Variants in FBXO11 observed in about 807,000 individuals in gnomAD.
The protein encoded by FBXO11 is F-box only protein 11.
FBXO11 carries 13 observed loss-of-function variants against 117.0 expected under a neutral mutation model. The observed-to-expected ratio is 0.11, with a 90% CI of 0.07 to 0.18. The LOEUF (loss-of-function observed/expected upper bound fraction) is 0.18. FBXO11 is among the 10% of genes least tolerant of loss of function. FBXO11 has a pLI of 1.00. For synonymous variants in FBXO11, 490 were observed against 380.5 expected (o/e 1.29, Z -3.35); for missense variants, 767 against 1,164.4 (o/e 0.66, Z 4.97).
At chr2:47,823,421 T>C in intron 11 of FBXO11, 61 bp from the exon 12 acceptor site, 2 of 1,264,532 alleles carry the variant, frequency 1.6e-6, no homozygotes, top group Non-Finnish European at 2.2e-6. Flanking sequence ...AGAAATGCCA[T>C]TTAAAAAACA....
At chr2:47,851,810 A>G (rs1376710020) in intron 1 of FBXO11, among the ~76,000 whole-genome samples, 1 of 152,236 alleles carries the variant, frequency 6.6e-6, no homozygotes, top group Non-Finnish European at 1.5e-5. Flanking sequence ...TAAGAGCAAG[A>G]GTGAAGTATG....
At chr2:47,896,217 G>A (rs944584362) in intron 1 of FBXO11, among the ~76,000 whole-genome samples, 8 of 151,982 alleles carry the variant, frequency 5.3e-5, no homozygotes, top group Non-Finnish European at 7.4e-5. Flanking sequence ...AAATAAACAC[G>A]TAATGTTAAG....
At chr2:47,845,922 T>G (rs1673371955) in intron 1 of FBXO11, among the ~76,000 whole-genome samples, 1 of 151,978 alleles carries the variant, frequency 6.6e-6, no homozygotes, top group South Asian at 2.1e-4. Context: ...TGCCTTAACT[T>G]CCTTCCAACA....
intron 1 of FBXO11, among the ~76,000 whole-genome samples, chr2:47,901,704 ACTG>A (rs1186967620): frequency 6.6e-6 from 1 of 152,150 alleles, no homozygotes; most frequent in African/African-American, 2.4e-5. Context: ...ACTAAAATCT[ACTG>A]ATGAGAACAC....
intron 1 of FBXO11, among the ~76,000 whole-genome samples, chr2:47,897,274 T>A (rs1198605355): frequency 1.3e-5 from 2 of 152,166 alleles, no homozygotes; most frequent in Non-Finnish European, 2.9e-5. Flanking sequence ...AATTATTGTA[T>A]CTAAACCCAA....
At chr2:47,896,330 C>CTT (rs369438123) in intron 1 of FBXO11, among the ~76,000 whole-genome samples, 88 of 142,976 alleles carry the variant, frequency 6.2e-4, no homozygotes, top group Non-Finnish European at 9.5e-4. Flanking sequence ...TGTTTCTTTT[C>CTT]TTTTTTTTTT....
At chr2:47,883,372 C>T (rs946078865) in intron 1 of FBXO11, 8 of 248,830 alleles carry the variant, frequency 3.2e-5, no homozygotes, top group African/African-American at 1.8e-4. Context: ...GCCCTGCGAC[C>T]AGTGCCCTGT....
At chr2:47,839,063 A>G (rs1672815169) in intron 3 of FBXO11, 60 bp from the exon 4 acceptor site, 2 of 1,521,468 alleles carry the variant, frequency 1.3e-6, no homozygotes, top group Admixed American at 2.1e-5. Flanking sequence ...TTATTTAAAG[A>G]ACACAGTTTT....
intron 1 of FBXO11, among the ~76,000 whole-genome samples, chr2:47,887,578 G>A (rs1360994707): frequency 6.6e-6 from 1 of 151,692 alleles, no homozygotes; most frequent in Non-Finnish European, 1.5e-5. Context: ...ACACTTTGTG[G>A]GGCCAGGCAT....
intron 1 of FBXO11, among the ~76,000 whole-genome samples, chr2:47,848,139 C>A (rs1446455487): frequency 2.5e-4 from 36 of 142,244 alleles, no homozygotes; most frequent in African/African-American, 7.2e-4. Flanking sequence ...AACAAACAAA[C>A]AAACAAAAAA....
intron 1 of FBXO11, chr2:47,865,718 G>A (rs1675144818): frequency 6.6e-6 from 1 of 152,118 alleles, no homozygotes. Context: ...ATAAATTTAA[G>A]ACACTGGTGG....
intron 4 of FBXO11, among the ~76,000 whole-genome samples, 190 bp from the exon 5 acceptor site, chr2:47,836,191 A>T (rs1048402738): frequency 3.3e-5 from 5 of 152,064 alleles, no homozygotes; most frequent in African/African-American, 1.2e-4. Context: ...GCTAGAATGC[A>T]AGTGGCATGA....
At chr2:47,850,519 C>T (rs1673778628) in intron 1 of FBXO11, among the ~76,000 whole-genome samples, 1 of 152,062 alleles carries the variant, frequency 6.6e-6, no homozygotes, top group Admixed American at 6.6e-5. Context: ...GGTAGACGTG[C>T]CATTCAATTT....
chr2:47,856,979 T>C (rs1308575284), intron 1 of FBXO11, among the ~76,000 whole-genome samples: 2 of 152,320 alleles, frequency 1.3e-5, no homozygotes, highest in East Asian at 3.9e-4. Flanking sequence ...ATGTAGACCA[T>C]CACAGCAGAA....
intron 1 of FBXO11, among the ~76,000 whole-genome samples, chr2:47,892,365 G>T (rs971793806): frequency 6.6e-6 from 1 of 152,202 alleles, no homozygotes; most frequent in Non-Finnish European, 1.5e-5. Context: ...CTGTTTCATT[G>T]CATGTGTTAT....
chr2:47,842,969 A>G (rs1673124712), intron 1 of FBXO11, among the ~76,000 whole-genome samples: 1 of 152,052 alleles, frequency 6.6e-6, no homozygotes, highest in South Asian at 2.1e-4. Context: ...TTTTTTTTGT[A>G]GACACAAGGT....
intron 1 of FBXO11, among the ~76,000 whole-genome samples, chr2:47,888,289 T>C (rs553637546): frequency 2.4e-4 from 36 of 152,314 alleles, no homozygotes; most frequent in African/African-American, 7.7e-4. Context: ...ACTGGGAATC[T>C]GGAGACTTGG....
intron 21 of FBXO11, 55 bp downstream of exon 21, chr2:47,809,103 T>G (rs1359449396): frequency 8.6e-7 from 1 of 1,165,886 alleles, no homozygotes; most frequent in African/African-American, 1.6e-5. Flanking sequence ...CATTGCTAAT[T>G]TAAAAAGGAA....
intron 1 of FBXO11, among the ~76,000 whole-genome samples, chr2:47,875,959 T>C (rs1675973894): frequency 6.6e-6 from 1 of 152,212 alleles, no homozygotes; most frequent in Admixed American, 6.5e-5. Flanking sequence ...GTAGTACTAA[T>C]CAGTGGCTTT....
Sources: gnomAD v4.1 joint callset for allele counts (sites outside exome capture counted in the v4.1 genomes callset) on GRCh38, gnomAD v4.1.1 for gene constraint, MANE v1.5 for transcripts, NCBI Gene and HGNC (gene_info 2026-07-23, HGNC 2026-07-21) for gene names.